Variants in DIS3L2 observed in about 807,000 individuals in gnomAD.
The protein encoded by DIS3L2 is DIS3 like 3'-5' exoribonuclease 2, also known as DIS3-like exonuclease 2.
A neutral mutation model predicts 97.5 loss-of-function variants in DIS3L2; 34 were observed. The ratio of observed to expected loss-of-function variants is 0.35; its 90% CI spans 0.27 to 0.46. The LOEUF is 0.46. Among genes scored for constraint, DIS3L2 ranks in the 20% least tolerant of loss-of-function variants. DIS3L2 has a pLI of 1.00. For missense variants in DIS3L2, 1,038 were observed against 1,146.0 expected (o/e 0.91, Z 1.36); for synonymous variants, 435 against 445.2 (o/e 0.98, Z 0.29).
intron 8 of DIS3L2, among the ~76,000 whole-genome samples, chr2:232,149,218 C>CT (rs1410196640): frequency 1.8e-4 from 26 of 143,136 alleles, no homozygotes; most frequent in African/African-American, 5.6e-4. Flanking sequence ...TTATTATATT[C>CT]TAAGTTTTAG....
chr2:232,176,792 AATTT>A (rs1429378137), intron 9 of DIS3L2, among the ~76,000 whole-genome samples: 83 of 147,470 alleles, frequency 5.6e-4, no homozygotes, highest in Admixed American at 8.8e-4. Flanking sequence ...TTAATTAATT[AATTT>A]ATTATTATTA....
At position 232,330,684 on chromosome 2, in the gene DIS3L2, T is replaced by C. The variant is rs2106349051; in HGVS notation, c.1924-6T>C. On this transcript the variant is annotated splice_region_variant and splice_polypyrimidine_tract_variant and intron_variant, in intron 15 of 20. Coordinates refer to ENST00000325385, the MANE Select transcript of DIS3L2 (RefSeq NM_152383.5). Reference sequence around the variant, plus strand: ...CGTCACATAGGTTTCTGGGATTTGCTTCTAGAAAAGCCTGACCCAAACATT... The same window carrying C: ...CGTCACATAGGTTTCTGGGATTTGCCTCTAGAAAAGCCTGACCCAAACATT... The C allele has an allele frequency of 6.2e-7, 1 of 1,614,026 alleles. No homozygotes were observed. The highest frequency in any genetic ancestry group is 8.5e-7 in the Non-Finnish European group (1 of 1,180,014).
intron 3 of DIS3L2, among the ~76,000 whole-genome samples, chr2:232,022,282 T>TACA (rs1694540602): frequency 1.3e-5 from 2 of 152,204 alleles, no homozygotes; most frequent in Non-Finnish European, 2.9e-5. Flanking sequence ...CAGTCAAATT[T>TACA]GCAAATGCTG....
intron 16 of DIS3L2, among the ~76,000 whole-genome samples, chr2:232,332,737 G>A (rs1003949674): frequency 1.3e-5 from 2 of 152,206 alleles, no homozygotes; most frequent in African/African-American, 4.8e-5. Context: ...GAGAAGGGCC[G>A]AGGCTGGCAG....
At chr2:232,197,936 G>C (rs1336665634) in intron 9 of DIS3L2, among the ~76,000 whole-genome samples, 1 of 151,418 alleles carries the variant, frequency 6.6e-6, no homozygotes, top group Admixed American at 6.6e-5. Flanking sequence ...CTGCACTCCA[G>C]CCTGGGCGAC....
At chr2:232,186,670 A>C (rs532238501) in intron 9 of DIS3L2, among the ~76,000 whole-genome samples, 90 of 152,364 alleles carry the variant, frequency 5.9e-4, no homozygotes, top group African/African-American at 2.1e-3. Context: ...AATCAAATCC[A>C]GCAATGTATA....
intron 8 of DIS3L2, among the ~76,000 whole-genome samples, chr2:232,146,527 A>G (rs546396061): frequency 2.0e-5 from 3 of 152,310 alleles, no homozygotes; most frequent in Non-Finnish European, 2.9e-5. Context: ...TGCTGTCCTC[A>G]GCAATCCAGT....
At chr2:232,205,235 T>TAA (rs1553615763) in intron 9 of DIS3L2, among the ~76,000 whole-genome samples, 1 of 137,356 alleles carries the variant, frequency 7.3e-6, no homozygotes, top group Non-Finnish European at 1.6e-5. Flanking sequence ...TATATATATA[T>TAA]ATAAAATGCA....
chr2:232,004,099 G>T (rs1293427932), intron 1 of DIS3L2, among the ~76,000 whole-genome samples: 1 of 151,962 alleles, frequency 6.6e-6, no homozygotes, highest in Non-Finnish European at 1.5e-5. Flanking sequence ...TGGAGACAGA[G>T]TCTTGCTCTG....
Position 232,031,809 on chromosome 2 carries a change from T to C in DIS3L2, c.366+1729T>C, listed in dbSNP as rs922587162. On this transcript the variant is annotated intron_variant, in intron 5 of 20. Coordinates refer to ENST00000325385, the MANE Select transcript of DIS3L2 (RefSeq NM_152383.5). ...GAATGATGGTTTCCAGCTTCATCCA[T>C]GTCCCTGCAAAGGACATAAACTCAT... is the stretch of plus-strand genomic sequence containing the variant. Among the ~76,000 whole-genome samples the C allele has an allele frequency of 3.3e-5, 5 of 152,212 alleles. No homozygotes were observed. In the East Asian group the frequency reaches 5.8e-4, roughly 18 times the overall value.
chr2:231,961,904 C>G (rs1692566367), intron 1 of DIS3L2, 139 bp downstream of exon 1: 1 of 152,464 alleles, frequency 6.6e-6, no homozygotes, highest in African/African-American at 2.4e-5. Flanking sequence ...GAGCGTCTTC[C>G]GCCTCTGGCG....
At chr2:232,142,171 G>T (rs925047009) in intron 8 of DIS3L2, among the ~76,000 whole-genome samples, 2 of 152,118 alleles carry the variant, frequency 1.3e-5, no homozygotes, top group Admixed American at 1.3e-4. Context: ...TTTTCAAGGG[G>T]TATGGACCTG....
intron 12 of DIS3L2, among the ~76,000 whole-genome samples, chr2:232,256,439 T>C (rs958057804): frequency 3.9e-5 from 6 of 152,250 alleles, no homozygotes; most frequent in Non-Finnish European, 5.9e-5. Flanking sequence ...GATCTTTTCC[T>C]CCCTGCTTAA....
Position 232,336,827 on chromosome 2 carries a change from C to A in DIS3L2, c.*197C>A. On this transcript the variant is annotated 3_prime_UTR_variant, in exon 21 of 21. Transcript: ENST00000325385. The stretch of plus-strand genomic sequence containing the variant: ...GGTGGGGCTGGAAGGAAGGCTGAGG[C>A]CTGGTCAGCAGTGACCCCAGCAGAG... 1 of 1,412,740 alleles carries A rather than the reference C, an allele frequency of 7.1e-7. No homozygotes were observed. 87.5% of individuals were successfully genotyped at this position (1,412,740 alleles called of 1,614,324 possible). A position where few individuals can be genotyped will look rare whatever the true frequency, so the allele number is the denominator to read the frequency against.
rs565492073 is a variant in DIS3L2 at position 232,335,059 on chromosome 2, G to A, written c.2394+324G>A. The A allele has an allele frequency of 2.4e-5, 7 of 294,194 alleles. No individual in the cohort carries two copies. In the East Asian group the frequency reaches 3.2e-4, roughly 14 times the overall value. 18.2% of individuals were successfully genotyped at this position (294,194 alleles called of 1,614,324 possible). Reference sequence around the variant, plus strand: ...GGAATGAAAGGCCAGCGAATGGTCCGTGGCCGCTTTGGAAACTGTGTCCCC... The same window carrying A: ...GGAATGAAAGGCCAGCGAATGGTCCATGGCCGCTTTGGAAACTGTGTCCCC... On this transcript the variant is annotated intron_variant, in intron 19 of 20. Coordinates refer to ENST00000325385, the MANE Select transcript of DIS3L2 (RefSeq NM_152383.5).
At chr2:232,079,279 A>T (rs1335956155) in intron 5 of DIS3L2, among the ~76,000 whole-genome samples, 1 of 152,096 alleles carries the variant, frequency 6.6e-6, no homozygotes, top group African/African-American at 2.4e-5. Context: ...ATACTTTCAG[A>T]TAGTGGTAAG....
intron 6 of DIS3L2, among the ~76,000 whole-genome samples, chr2:232,123,592 G>A (rs545299148): frequency 6.6e-6 from 1 of 151,716 alleles, no homozygotes; most frequent in Non-Finnish European, 1.5e-5. Context: ...GGGACTTTCC[G>A]TTAATCGTTA....
intron 12 of DIS3L2, 73 bp downstream of exon 12, chr2:232,249,419 G>T: frequency 2.7e-6 from 4 of 1,475,414 alleles, no homozygotes; most frequent in Non-Finnish European, 2.8e-6. Context: ...CTCACCATGT[G>T]CCTGGCACTG....
intron 9 of DIS3L2, among the ~76,000 whole-genome samples, chr2:232,197,553 G>A (rs551322291): frequency 6.6e-6 from 1 of 152,184 alleles, no homozygotes; most frequent in South Asian, 2.1e-4. Flanking sequence ...GTTTGGATGG[G>A]GTACCTAAAA....
Sources: allele counts gnomAD v4.1 joint callset (sites outside exome capture counted in the v4.1 genomes callset), GRCh38; gene constraint gnomAD v4.1.1; transcripts MANE v1.5; gene names NCBI Gene and HGNC (gene_info 2026-07-23, HGNC 2026-07-21).